The following C4orf17 variants were observed in gnomAD, a reference collection of about 807,000 sequenced individuals.
C4orf17 encodes chromosome 4 open reading frame 17, also known as uncharacterized protein C4orf17.
Under a neutral mutation model 32.0 loss-of-function variants are expected in C4orf17, and 25 were observed. The ratio of observed to expected loss-of-function variants is 0.78; its 90% CI spans 0.57 to 1.09. The LOEUF (loss-of-function observed/expected upper bound fraction) is 1.09. Among genes scored for constraint, C4orf17 ranks in the 50% least tolerant of loss-of-function variants. C4orf17 has a pLI of 0.00. For synonymous variants in C4orf17, 149 were observed against 145.8 expected (o/e 1.02, Z -0.16); for missense variants, 420 against 420.0 (o/e 1.00, Z 0.00).
rs1044831798 is a variant in C4orf17, at chr4:99,542,014, G to A, written c.985G>A (p.Glu329Lys). 1 of 1,613,862 alleles carries A rather than the reference G, an allele frequency of 6.2e-7. No individual in the cohort carries two copies. The highest frequency in any genetic ancestry group is 1.3e-5 in the African/African-American group (1 of 74,922). ...PNSPPRPNTQ[E>K]SGSAKPVSAR... The stretch of plus-strand genomic sequence containing the variant: ...TTCTCCTCCCAGGCCTAACACTCAG[G>A]AGAGTGGATCAGCAAAACCAGTGTC... Residue 329 changes from glutamate to lysine, a missense_variant, in exon 9 of 9, where the codon GAG becomes AAG. Physicochemically the swap from Glu to Lys is moderately conservative, Grantham distance 56. Transcript: ENST00000326581.
chr4:99,530,008 C>CA, intron 5 of C4orf17, 50 bp downstream of exon 5: 3 of 1,477,938 alleles, frequency 2.0e-6, no homozygotes, highest in South Asian at 2.7e-5. Flanking sequence ...CATGAATATA[C>CA]AAAAAAATTT....
Position 99,524,522 on chromosome 4 carries a change from G to A in C4orf17, c.339G>A (p.Glu113=), listed in dbSNP as rs1723353856. Residue 113 remains glutamate, a splice_region_variant and synonymous_variant, in exon 4 of 9, where the codon GAG becomes GAA. Coordinates refer to ENST00000326581, the MANE Select transcript of C4orf17 (RefSeq NM_032149.3). ...GAKVPPRPHS[E]PSRKIKECFK... is the part of the protein sequence containing the mutation. ...CATTTTTCCTCAATTTTATTTCAGA[G>A]CCCAGTAGAAAAATTAAAGAGTGCT... 4 of 1,585,172 alleles carry A rather than the reference G, an allele frequency of 2.5e-6. No homozygotes were observed. The highest frequency in any genetic ancestry group is 3.5e-6 in the Non-Finnish European group (4 of 1,156,684).
rs532880731 is a variant in C4orf17, at chr4:99,539,032, C to T, written c.629-131C>T. 126 of 838,824 alleles carry T rather than the reference C, an allele frequency of 1.5e-4. 1 individual carries two copies. The East Asian group carries it at 2.8e-3, about 19-fold the overall frequency. 52.0% of individuals were successfully genotyped at this position (838,824 alleles called of 1,614,324 possible). A position where few individuals can be genotyped will look rare whatever the true frequency, so the allele number is the denominator to read the frequency against. On this transcript the variant is annotated intron_variant, in intron 6 of 8. Transcript: ENST00000326581. ...CAACTTTTCTGCAGAAGTCCTTACTCCCACATAGGTAACTATCCAGAAAAT... is the reference window on the plus strand; with the variant it reads ...CAACTTTTCTGCAGAAGTCCTTACTTCCACATAGGTAACTATCCAGAAAAT...
intron 2 of C4orf17, among the ~76,000 whole-genome samples, chr4:99,519,701 C>T (rs1021044841): frequency 6.6e-6 from 1 of 152,110 alleles, no homozygotes; most frequent in Admixed American, 6.5e-5. Flanking sequence ...ATTCTAGCTG[C>T]ATTGTAGAAA....
intron 3 of C4orf17, among the ~76,000 whole-genome samples, chr4:99,523,976 CTTTTT>C (rs34303512): frequency 1.1e-4 from 13 of 114,094 alleles, no homozygotes; most frequent in South Asian, 3.1e-4. Flanking sequence ...AAAATATATA[CTTTTT>C]TTTTTTTTTT....
chr4:99,514,784 T>A (rs1054926630), intron 2 of C4orf17, among the ~76,000 whole-genome samples: 1 of 152,202 alleles, frequency 6.6e-6, no homozygotes, highest in South Asian at 2.1e-4. Flanking sequence ...TAAGTCATTA[T>A]ATGAAAAAGA....
At chr4:99,512,785 G>T (rs1421942637) in intron 1 of C4orf17, among the ~76,000 whole-genome samples, 2 of 151,990 alleles carry the variant, frequency 1.3e-5, no homozygotes, top group African/African-American at 4.8e-5. Context: ...CAAACACTTT[G>T]ATTTTCCCCT....
chr4:99,521,826 T>C (rs552759447), intron 2 of C4orf17, among the ~76,000 whole-genome samples: 18 of 152,332 alleles, frequency 1.2e-4, no homozygotes, highest in Non-Finnish European at 2.5e-4. Flanking sequence ...TTAGCATTGA[T>C]ATTGAAAAGA....
intron 8 of C4orf17, chr4:99,540,664 GACAGAC>G: frequency 2.1e-6 from 1 of 476,834 alleles, no homozygotes; most frequent in Non-Finnish European, 3.8e-6. Context: ...CCTGATCATG[GACAGAC>G]ACTCTTTGAG....
intron 3 of C4orf17, among the ~76,000 whole-genome samples, chr4:99,523,720 A>G (rs1409743919): frequency 6.6e-6 from 1 of 152,160 alleles, no homozygotes; most frequent in Non-Finnish European, 1.5e-5. Flanking sequence ...CTATAAATTA[A>G]TGTAAAGGGA....
At position 99,513,096 on chromosome 4, in the gene C4orf17, C is replaced by T. The variant is rs139422953; in HGVS notation, c.15C>T (p.Pro5=). 26 of 1,613,796 alleles carry T rather than the reference C, an allele frequency of 1.6e-5. No homozygotes were observed. The African/African-American group carries it at 2.1e-4, about 13-fold the overall frequency. The change falls in exon 2 of 9, where the codon CCC becomes CCT. Residue 5 remains proline, a synonymous_variant. Coordinates refer to ENST00000326581, the MANE Select transcript of C4orf17 (RefSeq NM_032149.3). MNLN[P]PTSALQIEGK... ...ACACCACAAACATGAACCTCAACCC[C>T]CCGACATCTGCTCTTCAGATCGAGG...
chr4:99,535,350 C>T (rs1039165512), intron 5 of C4orf17, among the ~76,000 whole-genome samples: 3 of 151,954 alleles, frequency 2.0e-5, no homozygotes, highest in Non-Finnish European at 4.4e-5. Context: ...TGGTTCCATT[C>T]TCCTCATCTC....
intron 2 of C4orf17, 112 bp downstream of exon 2, chr4:99,513,320 G>C (rs1723127516): frequency 1.3e-5 from 18 of 1,360,298 alleles, no homozygotes; most frequent in Middle Eastern, 2.0e-4. Flanking sequence ...CCACTGGAGA[G>C]GTATGGGAAT....
At chr4:99,517,457 A>C (rs1300143183) in intron 2 of C4orf17, among the ~76,000 whole-genome samples, 2 of 152,206 alleles carry the variant, frequency 1.3e-5, no homozygotes, top group East Asian at 3.8e-4. Flanking sequence ...GGTTCTGGGC[A>C]GAATTGACAG....
chr4:99,535,232 T>C (rs980606840), intron 5 of C4orf17, among the ~76,000 whole-genome samples: 6 of 152,180 alleles, frequency 3.9e-5, no homozygotes, highest in Admixed American at 2.0e-4. Flanking sequence ...GATCTTCTCA[T>C]GGAGTATCTT....
At chr4:99,534,698 T>C (rs569650522) in intron 5 of C4orf17, among the ~76,000 whole-genome samples, 6 of 152,212 alleles carry the variant, frequency 3.9e-5, no homozygotes, top group Non-Finnish European at 7.3e-5. Context: ...TGGTATCTCA[T>C]TGTGGTTTTG....
chr4:99,512,973 C>T lies in C4orf17; in HGVS notation c.-93-16C>T. The stretch of plus-strand genomic sequence containing the variant: ...AAGAAACTCTTGTCAGAATGTTTGT[C>T]ATTTTGTGATTTCAGGGTCTGAGCA... On this transcript the variant is annotated splice_polypyrimidine_tract_variant and intron_variant, in intron 1 of 8. Transcript: ENST00000326581. The T allele has an allele frequency of 9.4e-7, 1 of 1,069,168 alleles. No individual in the cohort carries two copies. Among genetic ancestry groups the T allele is most frequent in the Non-Finnish European group, 1.4e-6 (1 of 735,512 alleles). 66.2% of individuals were successfully genotyped at this position (1,069,168 alleles called of 1,614,324 possible). A position where few individuals can be genotyped will look rare whatever the true frequency, so the allele number is the denominator to read the frequency against.
chr4:99,524,869 T>C (rs556205709), intron 4 of C4orf17, among the ~76,000 whole-genome samples: 1 of 152,366 alleles, frequency 6.6e-6, no homozygotes, highest in African/African-American at 2.4e-5. Flanking sequence ...CAACTGTTTG[T>C]CTGCTTTCTG....
At chr4:99,526,964 T>G (rs7689584) in intron 4 of C4orf17, among the ~76,000 whole-genome samples, 39,665 of 151,824 alleles carry the variant, frequency 0.26, 5,341 homozygotes, top group South Asian at 0.35. Flanking sequence ...TGACTTTGGC[T>G]CCTATCTTTA....
Sources: gnomAD v4.1 joint callset for allele counts (sites outside exome capture counted in the v4.1 genomes callset) on GRCh38, gnomAD v4.1.1 for gene constraint, MANE v1.5 for transcripts, NCBI Gene and HGNC (gene_info 2026-07-23, HGNC 2026-07-21) for gene names.